METTL21A: variants seen among roughly 807,000 people sequenced by gnomAD.
The protein encoded by METTL21A is methyltransferase 21A, HSPA lysine.
In METTL21A, 22 loss-of-function variants were observed where a neutral mutation model predicts 20.9. The ratio of observed to expected loss-of-function variants is 1.05; its 90% CI spans 0.75 to 1.50. The LOEUF (loss-of-function observed/expected upper bound fraction) is 1.50, where lower values mean the gene tolerates loss of function less well. Among genes scored for constraint, METTL21A ranks in the 40% most tolerant of loss-of-function variants. METTL21A has a pLI of 0.00. For synonymous variants in METTL21A, 93 were observed against 102.0 expected (o/e 0.91, Z 0.53); for missense variants, 271 against 266.8 (o/e 1.02, Z -0.11).
At chr2:207,613,938 T>G (rs978782673) in intron 3 of METTL21A, among the ~76,000 whole-genome samples, 6 of 152,218 alleles carry the variant, frequency 3.9e-5, no homozygotes, top group Middle Eastern at 6.8e-3. Flanking sequence ...GCCACTGCAC[T>G]CCAGCCTGGG....
At chr2:207,599,793 C>G (rs551763677) in intron 3 of METTL21A, 49 of 195,956 alleles carry the variant, frequency 2.5e-4, no homozygotes, top group Middle Eastern at 1.8e-3. Context: ...AACCTTGTAG[C>G]CAAGAACATA....
intron 3 of METTL21A, among the ~76,000 whole-genome samples, chr2:207,596,028 G>T (rs114150406): frequency 2.6e-5 from 4 of 152,098 alleles, no homozygotes; most frequent in African/African-American, 9.7e-5. Context: ...TCTGCTTTTG[G>T]TGTTGTATTT....
chr2:207,583,285 C>T (rs1168902895), intron 3 of METTL21A, among the ~76,000 whole-genome samples: 1 of 152,110 alleles, frequency 6.6e-6, no homozygotes, highest in African/African-American at 2.4e-5. Flanking sequence ...CAACTATATA[C>T]TTAAATAGGA....
At chr2:207,585,089 C>T (rs1343565987) in intron 3 of METTL21A, among the ~76,000 whole-genome samples, 2 of 152,058 alleles carry the variant, frequency 1.3e-5, no homozygotes, top group Admixed American at 1.3e-4. Flanking sequence ...TGGTCCTGCC[C>T]ACCAGCACCC....
intron 3 of METTL21A, chr2:207,620,765 C>A (rs2090389748): frequency 1.4e-6 from 2 of 1,430,040 alleles, no homozygotes; most frequent in Admixed American, 5.1e-5. Flanking sequence ...TGCCCATGCT[C>A]CCTGTCGAAT....
intron 3 of METTL21A, among the ~76,000 whole-genome samples, chr2:207,595,838 G>A (rs1225662385): frequency 6.6e-6 from 1 of 152,102 alleles, no homozygotes; most frequent in Admixed American, 6.5e-5. Context: ...CAAAGTGCTG[G>A]GATTATAGGC....
intron 3 of METTL21A, among the ~76,000 whole-genome samples, chr2:207,613,724 CT>C (rs1448490369): frequency 6.6e-6 from 1 of 152,216 alleles, no homozygotes. Flanking sequence ...TGGCTCATGC[CT>C]TTAATCCCAG....
intron 3 of METTL21A, among the ~76,000 whole-genome samples, chr2:207,585,829 C>T (rs185909752): frequency 2.9e-4 from 44 of 152,096 alleles, no homozygotes; most frequent in African/African-American, 8.4e-4. Flanking sequence ...TAAAATAACC[C>T]AGTCAAACAC....
chr2:207,613,151 T>C, exon 4 of METTL21A: 2 of 1,614,028 alleles, frequency 1.2e-6, no homozygotes, highest in African/African-American at 1.3e-5. Flanking sequence ...CCAGCATTGC[T>C]AAGAAGTTGT....
chr2:207,592,348 A>G (rs1297893130), intron 3 of METTL21A, among the ~76,000 whole-genome samples: 3 of 152,160 alleles, frequency 2.0e-5, no homozygotes, highest in African/African-American at 7.2e-5. Context: ...CAGAGGTTGC[A>G]GTAGCCCAGA....
intron 3 of METTL21A, among the ~76,000 whole-genome samples, chr2:207,595,738 A>T (rs976723885): frequency 1.6e-4 from 25 of 151,998 alleles, no homozygotes; most frequent in African/African-American, 4.6e-4. Flanking sequence ...CTAAATTTTT[A>T]AAAATTTTTT....
intron 3 of METTL21A, among the ~76,000 whole-genome samples, chr2:207,588,406 T>G (rs775332621): frequency 6.6e-6 from 1 of 152,232 alleles, no homozygotes; most frequent in African/African-American, 2.4e-5. Context: ...GTCTGTCCTT[T>G]AGCCAATACC....
rs149383431 is a variant in METTL21A, at chr2:207,592,249, T to C, written c.260-10089A>G. Among the ~76,000 whole-genome samples, 1,308 of 151,476 alleles carry C rather than the reference T, an allele frequency of 8.6e-3. 19 individuals carry two copies. Among genetic ancestry groups the C allele is most frequent in the African/African-American group, 0.03 (1,247 of 41,298 alleles). ...GGTGAAACCCTCTCTCTACTAAAAA[T>C]ACAAAAAATGAGCTGGGCGTGGTGG... On this transcript the variant is annotated intron_variant, in intron 3 of 3. Coordinates refer to the METTL21A transcript ENST00000425132.
intron 3 of METTL21A, among the ~76,000 whole-genome samples, chr2:207,619,908 A>C (rs564328002): frequency 1.3e-5 from 2 of 152,356 alleles, no homozygotes; most frequent in East Asian, 3.9e-4. Context: ...CACAATGTAC[A>C]GATGGGGTAA....
exon 4 of METTL21A, chr2:207,613,243 C>G: frequency 6.2e-7 from 1 of 1,612,934 alleles, no homozygotes; most frequent in Non-Finnish European, 8.5e-7. Flanking sequence ...TGAAGAAGAT[C>G]TGTGAATGTT....
intron 3 of METTL21A, chr2:207,598,318 ATTAG>A (rs1425890077): frequency 5.4e-6 from 1 of 183,952 alleles, no homozygotes; most frequent in Non-Finnish European, 1.2e-5. Context: ...AAGAGTAGTT[ATTAG>A]TTCTGCTTTA....
At chr2:207,583,688 T>C (rs1017027029) in intron 3 of METTL21A, among the ~76,000 whole-genome samples, 11 of 152,358 alleles carry the variant, frequency 7.2e-5, no homozygotes, top group Non-Finnish European at 1.2e-4. Flanking sequence ...AATTTGCATA[T>C]ACATAAGTTC....
intron 3 of METTL21A, chr2:207,582,798 CAGA>C: frequency 3.4e-6 from 1 of 290,266 alleles, no homozygotes; most frequent in South Asian, 2.8e-5. Flanking sequence ...GCGGCTGAGG[CAGA>C]AGAATTGTGC....
chr2:207,607,943 T>C (rs1453570751), downstream of METTL21A, among the ~76,000 whole-genome samples: 1 of 152,100 alleles, frequency 6.6e-6, no homozygotes, highest in East Asian at 1.9e-4. Flanking sequence ...GTGGACACTG[T>C]GGTGTGCTGC....
Sources: gnomAD v4.1 joint callset for allele counts (sites outside exome capture counted in the v4.1 genomes callset) on GRCh38, gnomAD v4.1.1 for gene constraint, MANE v1.5 for transcripts, NCBI Gene and HGNC (gene_info 2026-07-23, HGNC 2026-07-21) for gene names.